ACSL6: variants seen among roughly 807,000 people sequenced by gnomAD.
ACSL6 encodes the protein long-chain-fatty-acid--CoA ligase 6.
In ACSL6, 47 loss-of-function variants were observed where a neutral mutation model predicts 98.2. The observed-to-expected ratio is 0.48, with a 90% CI of 0.38 to 0.61. The LOEUF is 0.61. ACSL6 is among the 20% of genes least tolerant of loss of function. ACSL6 has a pLI of 0.00. For synonymous variants in ACSL6, 362 were observed against 336.9 expected (o/e 1.07, Z -0.82); for missense variants, 761 against 913.4 (o/e 0.83, Z 2.15).
intron 17 of ACSL6, among the ~76,000 whole-genome samples, chr5:131,963,134 A>C (rs1269225208): frequency 6.6e-6 from 1 of 152,104 alleles, no homozygotes; most frequent in Non-Finnish European, 1.5e-5. Context: ...CCACCCCTAA[A>C]GAGCAGCCTC....
upstream of ACSL6, chr5:132,012,162 G>T (rs1755773988): frequency 4.2e-6 from 2 of 471,124 alleles, no homozygotes; most frequent in Non-Finnish European, 7.3e-6. Flanking sequence ...CGAGTTTGCA[G>T]ACATGGGGAG....
chr5:131,983,026 G>C (rs908545146), intron 9 of ACSL6: 1 of 152,144 alleles, frequency 6.6e-6, no homozygotes, highest in African/African-American at 2.4e-5. Context: ...GAAAAAGAGT[G>C]CTAAAAACAC....
intron 9 of ACSL6, among the ~76,000 whole-genome samples, chr5:131,978,397 T>C (rs946256625): frequency 2.0e-5 from 3 of 152,214 alleles, no homozygotes; most frequent in Non-Finnish European, 4.4e-5. Context: ...TCAACTTTCA[T>C]AGTCTACTTA....
At chr5:131,986,642 G>T (rs1327955122) in intron 8 of ACSL6, among the ~76,000 whole-genome samples, 180 bp downstream of exon 8, 2 of 152,124 alleles carry the variant, frequency 1.3e-5, no homozygotes, top group Non-Finnish European at 2.9e-5. Flanking sequence ...CCTGTTCCAG[G>T]TCCTTCCCTG....
intron 1 of ACSL6, among the ~76,000 whole-genome samples, chr5:131,995,961 A>G (rs924974785): frequency 6.6e-6 from 1 of 152,216 alleles, no homozygotes; most frequent in Admixed American, 6.5e-5. Flanking sequence ...AGGACACATG[A>G]AAAGGGGTCA....
At chr5:131,969,651 T>C (rs3846723) in intron 15 of ACSL6, among the ~76,000 whole-genome samples, 2,017 of 152,298 alleles carry the variant, frequency 0.013, 29 homozygotes, top group African/African-American at 0.033. Flanking sequence ...AAGCAGGCTA[T>C]GAATTGGACC....
At chr5:131,989,121 A>G (rs896657995) in intron 5 of ACSL6, among the ~76,000 whole-genome samples, 2 of 152,162 alleles carry the variant, frequency 1.3e-5, no homozygotes, top group Non-Finnish European at 2.9e-5. Context: ...AACTGCCCCA[A>G]GGACAGTTCC....
chr5:131,976,557 A>G, intron 10 of ACSL6, 91 bp downstream of exon 10: 1 of 1,178,490 alleles, frequency 8.5e-7, no homozygotes, highest in Non-Finnish European at 1.2e-6. Context: ...AAAAAAAAAA[A>G]GAAAAAGAAA....
At chr5:131,973,579 C>A in intron 11 of ACSL6, 179 bp from the exon 12 acceptor site, 2 of 518,062 alleles carry the variant, frequency 3.9e-6, no homozygotes, top group Non-Finnish European at 6.6e-6. Flanking sequence ...CCCTCACCTT[C>A]CAACCAAGTC....
chr5:131,989,904 T>C (rs947253024), intron 4 of ACSL6, among the ~76,000 whole-genome samples, 196 bp downstream of exon 4: 22 of 152,204 alleles, frequency 1.4e-4, no homozygotes, highest in Non-Finnish European at 2.5e-4. Context: ...GGGATTCTTA[T>C]AGATCTGAGG....
At chr5:131,973,608 A>G in intron 11 of ACSL6, 1 of 459,980 alleles carries the variant, frequency 2.2e-6, no homozygotes, top group South Asian at 3.8e-5. Flanking sequence ...GCACAGGGAG[A>G]TGAAGCAGAA....
At chr5:131,978,608 T>C (rs1317517297) in intron 9 of ACSL6, among the ~76,000 whole-genome samples, 1 of 152,176 alleles carries the variant, frequency 6.6e-6, no homozygotes, top group Admixed American at 6.5e-5. Flanking sequence ...CTGACACTTG[T>C]AATTCTGAAT....
chr5:132,002,680 A>G (rs942125624), intron 1 of ACSL6, among the ~76,000 whole-genome samples: 4 of 152,126 alleles, frequency 2.6e-5, no homozygotes, highest in African/African-American at 9.7e-5. Flanking sequence ...CTGGGTGGGA[A>G]AGGGTAGAGA....
At chr5:131,961,373 T>C (rs991620883) in intron 18 of ACSL6, among the ~76,000 whole-genome samples, 1 of 152,028 alleles carries the variant, frequency 6.6e-6, no homozygotes, top group Non-Finnish European at 1.5e-5. Flanking sequence ...ATAATATTTA[T>C]AGAAATGCAA....
chr5:131,966,608 C>A, intron 16 of ACSL6, 76 bp from the exon 17 acceptor site: 2 of 1,322,486 alleles, frequency 1.5e-6, no homozygotes, highest in South Asian at 1.2e-5. Flanking sequence ...ACCAGGCATA[C>A]GGAGATAAGG....
chr5:131,990,994 G>A, intron 2 of ACSL6, 27 bp from the exon 3 acceptor site: 2 of 1,608,874 alleles, frequency 1.2e-6, no homozygotes, highest in Non-Finnish European at 1.7e-6. Flanking sequence ...GGCCAGAGAA[G>A]TTGGCTGAGG....
intron 1 of ACSL6, among the ~76,000 whole-genome samples, chr5:132,004,015 A>G (rs1755241891): frequency 6.6e-6 from 1 of 152,194 alleles, no homozygotes; most frequent in African/African-American, 2.4e-5. Context: ...GTACACAAGA[A>G]GACCCTGCAG....
chr5:131,954,432 A>G, intron 20 of ACSL6, 61 bp from the exon 21 acceptor site: 3 of 1,524,608 alleles, frequency 2.0e-6, no homozygotes, highest in Non-Finnish European at 2.6e-6. Context: ...TATAGTATAC[A>G]TGGTAAAAAG....
intron 20 of ACSL6, among the ~76,000 whole-genome samples, chr5:131,954,963 A>C (rs1434458067): frequency 6.6e-6 from 1 of 152,154 alleles, no homozygotes; most frequent in Non-Finnish European, 1.5e-5. Flanking sequence ...AGAGGCAAAG[A>C]GTGTGAGGGA....
Sources: allele counts gnomAD v4.1 joint callset (sites outside exome capture counted in the v4.1 genomes callset), GRCh38; gene constraint gnomAD v4.1.1; transcripts MANE v1.5; gene names NCBI Gene and HGNC (gene_info 2026-07-23, HGNC 2026-07-21).